Variants in FAM199X observed in about 807,000 individuals in gnomAD.
The protein encoded by FAM199X is family with sequence similarity 199, X-linked.
Under a neutral mutation model 22.9 loss-of-function variants are expected in FAM199X, and 4 were observed. The ratio of observed to expected loss-of-function variants is 0.17; its 90% confidence interval spans 0.09 to 0.40. The LOEUF (loss-of-function observed/expected upper bound fraction) is 0.40, where lower values mean the gene tolerates loss of function less well. Among genes scored for constraint, FAM199X ranks in the 10% least tolerant of loss-of-function variants. FAM199X has a pLI of 1.00. For synonymous variants in FAM199X, 101 were observed against 112.3 expected, an observed-to-expected ratio of 0.90 and a Z score of 0.64; for missense variants, 183 against 306.8, an observed-to-expected ratio of 0.60 and a Z score of 3.01.
At chrX:104,184,872 C>T (rs1921755040) in intron 2 of FAM199X, among the ~76,000 whole-genome samples, 1 of 109,058 alleles carries the variant, frequency 9.2e-6, no homozygotes, top group Non-Finnish European at 1.9e-5. Flanking sequence ...CCTCAACCTC[C>T]CAGGTTCAAG....
intron 1 of FAM199X, among the ~76,000 whole-genome samples, chrX:104,173,462 A>G (rs995701781): frequency 1.8e-5 from 2 of 111,713 alleles, no homozygotes; most frequent in African/African-American, 3.3e-5. Context: ...AAGGTACCAT[A>G]AAGTTTTTCA....
chrX:104,186,245 C>T (rs1556379106), intron 3 of FAM199X, 30 bp downstream of exon 3: 1 of 1,192,442 alleles, frequency 8.4e-7, no homozygotes, highest in Non-Finnish European at 1.1e-6. Flanking sequence ...TAATTAAAAG[C>T]TTTTATGTGG....
chrX:104,195,310 A>G lies in FAM199X; in HGVS notation c.*5532A>G, dbSNP rs1337609885. 1.8e-5 allele frequency: 2 copies of G among 111,664 alleles called. No homozygotes were observed. Among genetic ancestry groups the G allele is most frequent in the Non-Finnish European group, 3.8e-5 (2 of 53,102 alleles). The allele number at this position is 111,664 out of a possible 1,213,427, so 9.2% of individuals were successfully genotyped here. On this transcript the variant is annotated 3_prime_UTR_variant, in exon 6 of 6. Coordinates refer to ENST00000493442, the MANE Select transcript of FAM199X (RefSeq NM_207318.4). ...GCTCTATCCCAGAATATTTACCAACAGAGGAGAACTGCTCCCTTTTCTGTT... is the reference window on the plus strand; with the variant it reads ...GCTCTATCCCAGAATATTTACCAACGGAGGAGAACTGCTCCCTTTTCTGTT...
At chrX:104,182,112 C>G (rs1029798533) in intron 2 of FAM199X, among the ~76,000 whole-genome samples, 1 of 107,619 alleles carries the variant, frequency 9.3e-6, no homozygotes, top group Non-Finnish European at 1.9e-5. Flanking sequence ...CCTCAGCCTC[C>G]CGAATAGCTT....
rs1556380788 is a variant in FAM199X at position 104,192,980 on chromosome X, G to T, written c.*3202G>T. The T allele has an allele frequency of 8.9e-6, 1 of 111,829 alleles. No homozygotes were observed. Among genetic ancestry groups the T allele is most frequent in the Non-Finnish European group, 1.9e-5 (1 of 52,962 alleles). The allele number at this position is 111,829 out of a possible 1,213,427, so 9.2% of individuals were successfully genotyped here. ...AGCAAATGTCTTCATATTTTAGCCA[G>T]AAATATTAGTACACAACCAATATAG... On this transcript the variant is annotated 3_prime_UTR_variant, in exon 6 of 6. Coordinates refer to ENST00000493442, the MANE Select transcript of FAM199X (RefSeq NM_207318.4).
Position 104,186,146 on chromosome X carries a change from T to C in FAM199X, c.498T>C (p.Leu166=), listed in dbSNP as rs1371297204. Residue 166 remains leucine (L), a synonymous_variant, in exon 3 of 6, where the codon CTT becomes CTC. Coordinates refer to ENST00000493442, the MANE Select transcript of FAM199X (RefSeq NM_207318.4). ...GTATTCCAAGTTCACCTTGCCTGCT[T>C]CCTAAAAAGAAAAACAAGCACCGGA... is the stretch of plus-strand genomic sequence containing the variant. The part of the protein sequence containing the change: ...IPSIPSSPCL[L]PKKKNKHRNL... The C allele has an allele frequency of 5.8e-6, 7 of 1,209,381 alleles. No homozygotes were observed. The highest frequency in any genetic ancestry group is 6.7e-6 in the Non-Finnish European group (6 of 894,878).
At chrX:104,185,484 A>G (rs1921776491) in intron 2 of FAM199X, among the ~76,000 whole-genome samples, 1 of 112,241 alleles carries the variant, frequency 8.9e-6, no homozygotes, top group African/African-American at 3.2e-5. Flanking sequence ...AAGCTTTTCA[A>G]AAACATCTTT....
chrX:104,162,231 A>C (rs66899168), upstream of FAM199X, among the ~76,000 whole-genome samples: 18,025 of 110,788 alleles, frequency 0.16, 1,240 homozygotes, highest in Non-Finnish European at 0.23. Context: ...AAAAGTCCCA[A>C]AGTTAAAAAG....
At chrX:104,182,051 C>G (rs782238302) in intron 2 of FAM199X, among the ~76,000 whole-genome samples, 2 of 99,888 alleles carry the variant, frequency 2.0e-5, no homozygotes, top group African/African-American at 7.6e-5. Context: ...TGCAGTGGTG[C>G]GATCTTGGCT....
chrX:104,184,642 T>A (rs1049600032), intron 2 of FAM199X, among the ~76,000 whole-genome samples: 1 of 111,487 alleles, frequency 9.0e-6, no homozygotes, highest in Non-Finnish European at 1.9e-5. Flanking sequence ...TTAAATTGAT[T>A]TTCTGTATGT....
At chrX:104,185,062 A>ATTTT (rs782075983) in intron 2 of FAM199X, among the ~76,000 whole-genome samples, 3 of 77,936 alleles carry the variant, frequency 3.8e-5, no homozygotes, top group African/African-American at 1.6e-4. Flanking sequence ...AGGCATGATA[A>ATTTT]TTTTTTTTTT....
chrX:104,187,934 CT>C, intron 4 of FAM199X, 105 bp from the exon 5 acceptor site: 1 of 999,011 alleles, frequency 1.0e-6, no homozygotes, highest in Non-Finnish European at 1.4e-6. Context: ...ATCTGCAGCA[CT>C]TTTGACAGTC....
intron 2 of FAM199X, among the ~76,000 whole-genome samples, chrX:104,182,392 A>G (rs997078363): frequency 9.1e-6 from 1 of 110,478 alleles, no homozygotes; most frequent in South Asian, 3.8e-4. Context: ...TCTAATTCCA[A>G]TCTTTCCTCA....
rs1477102556 is a variant in FAM199X, at chrX:104,166,559, G to C, written c.-227G>C. On this transcript the variant is annotated 5_prime_UTR_variant, in exon 1 of 6. Coordinates refer to ENST00000493442, the MANE Select transcript of FAM199X (RefSeq NM_207318.4). Reference sequence around the variant, plus strand: ...GGCGGCGGAAGCTGCAGAGGCCACCGGGGCGCTAACTGGGTGGCCGGTGGG... The same window carrying C: ...GGCGGCGGAAGCTGCAGAGGCCACCCGGGCGCTAACTGGGTGGCCGGTGGG... 3.4e-6 allele frequency: 1 copy of C among 290,184 alleles called. No homozygotes were observed. The highest frequency in any genetic ancestry group is 6.0e-6 in the Non-Finnish European group (1 of 165,605). The allele number at this position is 290,184 out of a possible 1,213,427, so 23.9% of individuals were successfully genotyped here. A position where few individuals can be genotyped will look rare whatever the true frequency, so the allele number is the denominator to read the frequency against.
chrX:104,183,910 C>T (rs1921728962), intron 2 of FAM199X, among the ~76,000 whole-genome samples: 1 of 111,975 alleles, frequency 8.9e-6, no homozygotes, highest in African/African-American at 3.2e-5. Context: ...CTCTCTTAGA[C>T]AATTTCATTT....
chrX:104,180,288 C>CTTT (rs573175887), intron 2 of FAM199X, among the ~76,000 whole-genome samples: 22 of 71,213 alleles, frequency 3.1e-4, no homozygotes, highest in Non-Finnish European at 3.6e-4. Context: ...GCCAGTGTCT[C>CTTT]TTTTTTTTTT....
chrX:104,194,717 T>A lies in FAM199X; in HGVS notation c.*4939T>A, dbSNP rs1307315744. 1 of 112,075 alleles carries A rather than the reference T, an allele frequency of 8.9e-6. No individual in the cohort carries two copies. Among genetic ancestry groups the A allele is most frequent in the Non-Finnish European group, 1.9e-5 (1 of 53,147 alleles). The allele number at this position is 112,075 out of a possible 1,213,427, so 9.2% of individuals were successfully genotyped here. A position where few individuals can be genotyped will look rare whatever the true frequency, so the allele number is the denominator to read the frequency against. On this transcript the variant is annotated 3_prime_UTR_variant, in exon 6 of 6. Coordinates refer to ENST00000493442, the MANE Select transcript of FAM199X (RefSeq NM_207318.4). ...GGTAAACAAGTATATGCAAAACAAT[T>A]CACATATGGGTAAAAATTTCAAATT...
At chrX:104,163,179 G>C (rs1212137833), upstream of FAM199X, among the ~76,000 whole-genome samples, 2 of 110,217 alleles carry the variant, frequency 1.8e-5, no homozygotes, top group Non-Finnish European at 3.8e-5. Flanking sequence ...ATAAGGGTTA[G>C]ATCACCAGTT....
At chrX:104,184,928 T>C (rs1921758837) in intron 2 of FAM199X, among the ~76,000 whole-genome samples, 1 of 107,942 alleles carries the variant, frequency 9.3e-6, no homozygotes, top group Admixed American at 1.0e-4. Flanking sequence ...CACACCCAAC[T>C]AATTTTTTTT....
Sources: allele counts gnomAD v4.1 joint callset (sites outside exome capture counted in the v4.1 genomes callset), GRCh38; gene constraint gnomAD v4.1.1; transcripts MANE v1.5; gene names NCBI Gene and HGNC (gene_info 2026-07-23, HGNC 2026-07-21).